ESYT2: variants seen among roughly 807,000 people sequenced by gnomAD.
ESYT2 encodes extended synaptotagmin 2.
In ESYT2, 54 loss-of-function variants were observed where a neutral mutation model predicts 107.2. The observed-to-expected ratio is 0.50, with a 90% CI of 0.40 to 0.63. The LOEUF is 0.63. ESYT2 is among the 30% of genes least tolerant of loss of function. ESYT2 has a pLI of 0.00. For synonymous variants in ESYT2, 491 were observed against 434.1 expected (o/e 1.13, Z -1.63); for missense variants, 1,020 against 1,094.5 (o/e 0.93, Z 0.96).
chr7:158,743,317 TTC>T (rs1370237258), intron 17 of ESYT2, among the ~76,000 whole-genome samples: 1 of 152,184 alleles, frequency 6.6e-6, no homozygotes, highest in Non-Finnish European at 1.5e-5. Flanking sequence ...ACGTGGCCTG[TTC>T]TATGGCTGAG....
At chr7:158,782,983 TAG>T (rs1222558930) in intron 6 of ESYT2, among the ~76,000 whole-genome samples, 1 of 152,232 alleles carries the variant, frequency 6.6e-6, no homozygotes, top group African/African-American at 2.4e-5. Flanking sequence ...GGCCTGGCTT[TAG>T]AAGGCGCCTT....
rs192640233 is a variant in ESYT2, at chr7:158,757,992, A to C, written c.1419+1494T>G. ...ATTCTACTGTATAGAAATTCTGTGG[A>C]AAGATTAAATACTTAATGAAATAAC... On this transcript the variant is annotated intron_variant, in intron 13 of 22. Transcript: ENST00000275418. Among the ~76,000 whole-genome samples the C allele has an allele frequency of 6.2e-3, 937 of 152,346 alleles. 10 individuals are homozygous for C. Among genetic ancestry groups the C allele is most frequent in the Non-Finnish European group, 0.011 (765 of 68,028 alleles).
chr7:158,804,263 G>A (rs1402523433), intron 1 of ESYT2, among the ~76,000 whole-genome samples: 1 of 75,230 alleles, frequency 1.3e-5, no homozygotes, highest in African/African-American at 6.6e-5. Context: ...AACCCAAACC[G>A]CCGAGAAGGG....
intron 1 of ESYT2, among the ~76,000 whole-genome samples, chr7:158,826,500 C>T (rs902973007): frequency 6.6e-6 from 1 of 151,692 alleles, no homozygotes; most frequent in Non-Finnish European, 1.5e-5. Flanking sequence ...GAATCTTTGG[C>T]TAAATTACTT....
At chr7:158,738,328 T>TACAC (rs1390957142) in intron 19 of ESYT2, among the ~76,000 whole-genome samples, 2 of 62,930 alleles carry the variant, frequency 3.2e-5, no homozygotes, top group African/African-American at 1.5e-4. Flanking sequence ...AAAAAAAAAA[T>TACAC]ACACACACAC....
At chr7:158,742,004 C>A in intron 17 of ESYT2, 108 bp from the exon 18 acceptor site, 2 of 1,358,396 alleles carry the variant, frequency 1.5e-6, no homozygotes, top group South Asian at 1.5e-5. Flanking sequence ...TAAAACTTAG[C>A]TCAAAAAAAA....
intron 12 of ESYT2, 86 bp downstream of exon 12, chr7:158,759,972 C>A: frequency 2.5e-6 from 3 of 1,199,414 alleles, no homozygotes; most frequent in South Asian, 1.3e-5. Context: ...GTTAAAAAAT[C>A]AAGTAGCAAC....
intron 9 of ESYT2, among the ~76,000 whole-genome samples, chr7:158,764,148 A>G (rs1838071158): frequency 6.6e-6 from 1 of 152,178 alleles, no homozygotes. Context: ...AACTTGGCTG[A>G]GTGAAGAGAC....
At position 158,808,541 on chromosome 7, in the gene ESYT2, G is replaced by A. The variant is rs535799596; in HGVS notation, c.331-9469C>T. On this transcript the variant is annotated intron_variant, in intron 1 of 22. Coordinates refer to ENST00000275418, the MANE Select transcript of ESYT2 (RefSeq NM_001367773.1). ...GTTCTCGACTTACTAAGTATCATACGCTGAGGTTGCTAAGATGTAAGAACG... is the reference window on the plus strand; with the variant it reads ...GTTCTCGACTTACTAAGTATCATACACTGAGGTTGCTAAGATGTAAGAACG... Among the ~76,000 whole-genome samples the A allele has an allele frequency of 3.3e-5, 5 of 152,322 alleles. No individual in the cohort carries two copies. In the East Asian group the frequency reaches 5.8e-4, roughly 18 times the overall value.
chr7:158,747,656 T>C (rs1304902418), intron 16 of ESYT2, among the ~76,000 whole-genome samples: 11 of 152,144 alleles, frequency 7.2e-5, no homozygotes, highest in Admixed American at 7.2e-4. Context: ...TGGCAGTTTA[T>C]TAAGAAGCTA....
intron 1 of ESYT2, among the ~76,000 whole-genome samples, chr7:158,827,162 C>CAAAAA (rs34940580): frequency 7.5e-5 from 8 of 106,002 alleles, no homozygotes; most frequent in African/African-American, 2.3e-4. Flanking sequence ...GGCTCTGTCT[C>CAAAAA]AAAAAAAAAA....
chr7:158,749,693 G>T lies in ESYT2; in HGVS notation c.1513C>A (p.Pro505Thr). 1 of 1,613,940 alleles carries T rather than the reference G, an allele frequency of 6.2e-7. No homozygotes were observed. The highest frequency in any genetic ancestry group is 8.5e-7 in the Non-Finnish European group (1 of 1,179,944). Residue 505 changes from proline to threonine, a missense_variant, in exon 15 of 23, where the codon CCT becomes ACT. By Grantham distance (38) the Pro-to-Thr change is conservative. Transcript: ENST00000275418. ...TGCCCAACTGACATCTGGACAACAG[G>T]ATTTGGGTTGCTGCTTATTTTCTTC... ...SGKKISSNPN[P>T]VVQMSVGHKA...
intron 6 of ESYT2, among the ~76,000 whole-genome samples, chr7:158,775,436 C>G (rs1345917065): frequency 6.6e-6 from 1 of 152,222 alleles, no homozygotes; most frequent in Non-Finnish European, 1.5e-5. Context: ...GCGGAGTCAT[C>G]CTCTCAAACC....
At chr7:158,736,021 TA>T (rs1002564175) in intron 20 of ESYT2, among the ~76,000 whole-genome samples, 37 of 152,020 alleles carry the variant, frequency 2.4e-4, no homozygotes, top group African/African-American at 8.7e-4. Context: ...CCATCTCCAA[TA>T]AAAAAAAGTA....
intron 7 of ESYT2, among the ~76,000 whole-genome samples, chr7:158,769,698 C>T (rs972909613): frequency 1.3e-5 from 2 of 152,086 alleles, no homozygotes; most frequent in Non-Finnish European, 1.5e-5. Flanking sequence ...ACCCTTCTTA[C>T]GACTTCAACA....
chr7:158,793,342 C>G (rs62480269), intron 4 of ESYT2, among the ~76,000 whole-genome samples: 1 of 151,760 alleles, frequency 6.6e-6, no homozygotes, highest in Non-Finnish European at 1.5e-5. Context: ...AATATGCTGC[C>G]GAATTCAGTT....
At chr7:158,773,860 C>T (rs1838459310) in intron 6 of ESYT2, among the ~76,000 whole-genome samples, 2 of 152,172 alleles carry the variant, frequency 1.3e-5, no homozygotes, top group African/African-American at 4.8e-5. Flanking sequence ...CATTCCCAAC[C>T]AAAGTGTATG....
At chr7:158,772,961 T>A (rs1838428078) in intron 7 of ESYT2, among the ~76,000 whole-genome samples, 1 of 151,374 alleles carries the variant, frequency 6.6e-6, no homozygotes. Context: ...AAGCATTTCC[T>A]TTTAAAGTTT....
chr7:158,736,679 G>A (rs1836964932), intron 20 of ESYT2, among the ~76,000 whole-genome samples: 1 of 152,104 alleles, frequency 6.6e-6, no homozygotes, highest in African/African-American at 2.4e-5. Flanking sequence ...GGGGCTTACT[G>A]TTATTTAAAA....
Sources: gnomAD v4.1 joint callset for allele counts (sites outside exome capture counted in the v4.1 genomes callset) on GRCh38, gnomAD v4.1.1 for gene constraint, MANE v1.5 for transcripts, NCBI Gene and HGNC (gene_info 2026-07-23, HGNC 2026-07-21) for gene names.